PCDH15: variants seen among roughly 807,000 people sequenced by gnomAD.
PCDH15 encodes the protein protocadherin-15.
Under a neutral mutation model 178.5 loss-of-function variants are expected in PCDH15, and 129 were observed. That is an observed-to-expected ratio of 0.72 (90% CI 0.63 to 0.84). The LOEUF (loss-of-function observed/expected upper bound fraction) is 0.84. Among genes scored for constraint, PCDH15 ranks in the 40% least tolerant of loss-of-function variants. The pLI is 0.00. For synonymous variants in PCDH15, 800 were observed against 732.0 expected, an observed-to-expected ratio of 1.09 and a Z score of -1.50; for missense variants, 2,230 against 2,099.9, an observed-to-expected ratio of 1.06 and a Z score of -1.21.
intron 2 of PCDH15, among the ~76,000 whole-genome samples, chr10:54,548,128 A>T (rs2086084983): frequency 6.8e-6 from 1 of 147,520 alleles, no homozygotes; most frequent in Admixed American, 6.8e-5. Flanking sequence ...AAAACCAAAA[A>T]AAACCCATAT....
intron 3 of PCDH15, among the ~76,000 whole-genome samples, chr10:54,819,434 TGTTTTAAA>T (rs1160079859): frequency 1.3e-5 from 2 of 152,164 alleles, no homozygotes; most frequent in South Asian, 2.1e-4. Context: ...TTACATTATT[TGTTTTAAA>T]AAACAGAGCT....
At chr10:54,150,076 T>G (rs73245407) in intron 14 of PCDH15, among the ~76,000 whole-genome samples, 2,342 of 152,156 alleles carry the variant, frequency 0.015, 75 homozygotes, top group African/African-American at 0.054. Context: ...ATGTCAGGCA[T>G]GTAGGAAGTA....
At chr10:55,504,617 T>A (rs1272491418) in intron 2 of PCDH15, among the ~76,000 whole-genome samples, 2 of 151,160 alleles carry the variant, frequency 1.3e-5, no homozygotes, top group Admixed American at 6.6e-5. Flanking sequence ...TCTCAACAAC[T>A]AGAATGAAAA....
chr10:55,098,895 TGAGAGAGAGAGAGAGA>T (rs10535301), intron 2 of PCDH15, among the ~76,000 whole-genome samples: 4,816 of 120,248 alleles, frequency 0.04, 282 homozygotes, highest in East Asian at 0.16. Flanking sequence ...AAAACTTCAA[TGAGAGAGAGAGAGAGA>T]GAGAGAGAGA....
intron 3 of PCDH15, among the ~76,000 whole-genome samples, chr10:54,459,438 T>A (rs902944493): frequency 5.1e-4 from 78 of 152,212 alleles, no homozygotes; most frequent in Admixed American, 9.8e-4. Flanking sequence ...ATCAAGTTTG[T>A]TCCTATATAA....
At chr10:55,166,147 T>C (rs1462171296) in intron 2 of PCDH15, among the ~76,000 whole-genome samples, 1 of 152,130 alleles carries the variant, frequency 6.6e-6, no homozygotes, top group East Asian at 1.9e-4. Context: ...TACTCAGCTA[T>C]GGTTTTCTGA....
rs374445133 is a variant in PCDH15, at chr10:53,806,830, G to T, written c.4972C>A (p.Pro1658Thr). ...NVPLNTLSKG[P>T]FSTEKMNARP... ...GCATTCATTTTTTCAGTAGAAAATG[G>T]CCCCTTTGATAATGTGTTCAGAGGT... Residue 1658 changes from proline (P) to threonine (T), a missense_variant, in exon 38 of 38, where the codon CCA becomes ACA. Pro to Thr is a conservative substitution (Grantham distance 38). Transcript: ENST00000644397. The T allele has an allele frequency of 1.6e-5, 26 of 1,613,706 alleles. No homozygotes were observed. Among genetic ancestry groups the T allele is most frequent in the Non-Finnish European group, 2.5e-6 (3 of 1,179,824 alleles).
chr10:53,942,197 A>G (rs576315515), intron 23 of PCDH15, among the ~76,000 whole-genome samples: 14 of 152,388 alleles, frequency 9.2e-5, no homozygotes, highest in African/African-American at 2.9e-4. Context: ...TTGCTGAAGA[A>G]TAAGAACCAA....
chr10:53,814,431 T>C (rs1247398968), intron 35 of PCDH15, among the ~76,000 whole-genome samples: 1 of 152,182 alleles, frequency 6.6e-6, no homozygotes, highest in Non-Finnish European at 1.5e-5. Context: ...CGCTCAGCTC[T>C]TGCTAGCTAC....
At chr10:54,320,344 C>T (rs12358061) in intron 7 of PCDH15, among the ~76,000 whole-genome samples, 16,953 of 151,972 alleles carry the variant, frequency 0.11, 1,002 homozygotes, top group Middle Eastern at 0.2. Context: ...GAAGCCTCCT[C>T]CCTCTCATTG....
chr10:55,361,776 C>T (rs1198394769), intron 2 of PCDH15, among the ~76,000 whole-genome samples: 1 of 152,002 alleles, frequency 6.6e-6, no homozygotes, highest in East Asian at 1.9e-4. Context: ...GCCTTACTAT[C>T]AGACCAATAG....
At chr10:55,036,781 T>C (rs74136328) in intron 2 of PCDH15, among the ~76,000 whole-genome samples, 2 of 152,144 alleles carry the variant, frequency 1.3e-5, no homozygotes, top group Non-Finnish European at 2.9e-5. Context: ...CTATAAACAA[T>C]AAACTTAAAA....
intron 23 of PCDH15, among the ~76,000 whole-genome samples, chr10:53,955,407 C>T (rs957567384): frequency 4.6e-5 from 7 of 152,056 alleles, no homozygotes; most frequent in Admixed American, 6.6e-5. Flanking sequence ...AATAAGTCAA[C>T]GGAGTCAGTG....
intron 2 of PCDH15, among the ~76,000 whole-genome samples, chr10:55,160,349 C>T (rs182614895): frequency 1.1e-3 from 174 of 151,826 alleles, no homozygotes; most frequent in Non-Finnish European, 2.2e-3. Flanking sequence ...CTGCCATCCT[C>T]TGGATTTGTC....
intron 26 of PCDH15, among the ~76,000 whole-genome samples, chr10:53,882,984 T>C (rs181519688): frequency 1.6e-4 from 25 of 152,322 alleles, no homozygotes; most frequent in Admixed American, 1.3e-3. Context: ...TTTATCCATT[T>C]ACAGGCATCA....
chr10:54,873,373 T>C (rs16906631), intron 3 of PCDH15, among the ~76,000 whole-genome samples: 6,208 of 151,818 alleles, frequency 0.041, 454 homozygotes, highest in African/African-American at 0.14. Context: ...TGTGATTGGG[T>C]TAAGTAGCTT....
Position 54,879,491 on chromosome 10 carries a change from T to A in PCDH15, c.-29+17959A>T, listed in dbSNP as rs1954221104. Among the ~76,000 whole-genome samples the A allele has an allele frequency of 2.0e-5, 3 of 152,082 alleles. No homozygotes were observed. The South Asian group carries it at 6.2e-4, about 31-fold the overall frequency. On this transcript the variant is annotated intron_variant, in intron 3 of 5. Transcript: ENST00000458638. ...GATTTTATTCAAACTAAGAGCTATC[T>A]GGTTCTTAAAGACATTCATTATTCA...
intron 35 of PCDH15, among the ~76,000 whole-genome samples, chr10:53,812,713 C>A (rs774390060): frequency 1.3e-5 from 2 of 152,032 alleles, no homozygotes; most frequent in Non-Finnish European, 2.9e-5. Flanking sequence ...CTTTTAAATT[C>A]TACTTTAACA....
chr10:53,927,700 A>T (rs1244185947), intron 25 of PCDH15, among the ~76,000 whole-genome samples: 1 of 152,140 alleles, frequency 6.6e-6, no homozygotes, highest in East Asian at 1.9e-4. Context: ...TTTCTGAAAT[A>T]CATCTTTCAT....
Sources: gnomAD v4.1 joint callset for allele counts (sites outside exome capture counted in the v4.1 genomes callset) on GRCh38, gnomAD v4.1.1 for gene constraint, MANE v1.5 for transcripts, NCBI Gene and HGNC (gene_info 2026-07-23, HGNC 2026-07-21) for gene names.